Variants in C3orf20 observed in about 807,000 individuals in gnomAD.
The protein encoded by C3orf20 is uncharacterized protein C3orf20.
A neutral mutation model predicts 88.3 loss-of-function variants in C3orf20; 76 were observed. The ratio of observed to expected loss-of-function variants is 0.86; its 90% confidence interval spans 0.72 to 1.04. C3orf20 has a LOEUF of 1.04. C3orf20 is among the 50% of genes least tolerant of loss of function. C3orf20 has a pLI of 0.00. For missense variants in C3orf20, 1,056 were observed against 1,123.3 expected (o/e 0.94, Z 0.86); for synonymous variants, 436 against 437.4 (o/e 1.00, Z 0.04).
intron 12 of C3orf20, among the ~76,000 whole-genome samples, chr3:14,733,031 A>G (rs190388098): frequency 3.0e-4 from 45 of 152,292 alleles, no homozygotes; most frequent in African/African-American, 1.1e-3. Context: ...ATGGTGAATT[A>G]CTTTGATTTC....
intron 12 of C3orf20, among the ~76,000 whole-genome samples, chr3:14,740,486 A>G (rs1024892922): frequency 6.6e-6 from 1 of 152,226 alleles, no homozygotes; most frequent in African/African-American, 2.4e-5. Context: ...AAATTTTGAA[A>G]TATTGCAGGA....
Position 14,760,042 on chromosome 3 carries a change from C to T in C3orf20, c.2352+44C>T, listed in dbSNP as rs781483590. ...GCTATCCACTGCCTGCCACCCCAGCCGCAGCCACCTCTGCCCCTGCAGAAT... is the reference window on the plus strand; with the variant it reads ...GCTATCCACTGCCTGCCACCCCAGCTGCAGCCACCTCTGCCCCTGCAGAAT... On this transcript the variant is annotated intron_variant, in intron 14 of 16. Coordinates refer to ENST00000253697, the MANE Select transcript of C3orf20 (RefSeq NM_032137.5). 79 of 1,405,432 alleles carry T rather than the reference C, an allele frequency of 5.6e-5. No homozygotes were observed. The Middle Eastern group carries it at 8.9e-4, about 16-fold the overall frequency. The allele number at this position is 1,405,432 out of a possible 1,614,324, so 87.1% of individuals were successfully genotyped here.
intron 14 of C3orf20, among the ~76,000 whole-genome samples, 169 bp from the exon 15 acceptor site, chr3:14,761,303 CT>C (rs1157862516): frequency 5.3e-5 from 8 of 151,766 alleles, no homozygotes; most frequent in Non-Finnish European, 5.9e-5. Flanking sequence ...CCCTGGGCAA[CT>C]CAGGGAGGGC....
intron 13 of C3orf20, 34 bp from the exon 14 acceptor site, chr3:14,759,857 G>A (rs755702997): frequency 1.3e-6 from 2 of 1,552,866 alleles, no homozygotes; most frequent in Non-Finnish European, 1.8e-6. Flanking sequence ...TATTGGCATG[G>A]GGGTGACCAG....
chr3:14,722,844 C>A (rs1386747133), intron 10 of C3orf20, among the ~76,000 whole-genome samples: 1 of 152,198 alleles, frequency 6.6e-6, no homozygotes, highest in Non-Finnish European at 1.5e-5. Flanking sequence ...GTCAAGTCAA[C>A]ATCAGGGAGA....
chr3:14,707,316 A>T (rs6808307), intron 7 of C3orf20, among the ~76,000 whole-genome samples: 128,693 of 150,974 alleles, frequency 0.85, 54,975 homozygotes, highest in Non-Finnish European at 0.89. Context: ...ATAATTGATT[A>T]GCACTTGGCA....
Position 14,698,136 on chromosome 3 carries a change from T to A in C3orf20, c.746-4994T>A, listed in dbSNP as rs9817515. Among the ~76,000 whole-genome samples, 11 of 151,642 alleles carry A rather than the reference T, an allele frequency of 7.3e-5. No individual in the cohort carries two copies. In the East Asian group the frequency reaches 1.4e-3, roughly 19 times the overall value. ...GTAGATCCTTGAGGAATCTCCACAC[T>A]GTCTTCAATCTCTTCGTTAAATGAT... On this transcript the variant is annotated intron_variant, in intron 5 of 16. Coordinates refer to ENST00000253697, the MANE Select transcript of C3orf20 (RefSeq NM_032137.5).
At chr3:14,751,394 G>A (rs1474910550) in intron 12 of C3orf20, among the ~76,000 whole-genome samples, 1 of 152,194 alleles carries the variant, frequency 6.6e-6, no homozygotes. Context: ...AGCCCCCGGA[G>A]GGCAAGCTAA....
chr3:14,763,832 C>T (rs972427119), intron 15 of C3orf20, among the ~76,000 whole-genome samples: 4 of 152,102 alleles, frequency 2.6e-5, no homozygotes, highest in African/African-American at 9.7e-5. Context: ...GAGATTACTG[C>T]CTACCCTTGT....
chr3:14,680,967 G>A (rs533081527), intron 1 of C3orf20, among the ~76,000 whole-genome samples: 10 of 152,308 alleles, frequency 6.6e-5, no homozygotes, highest in African/African-American at 2.4e-4. Context: ...GATGCCAGGA[G>A]GTCAACAAAT....
chr3:14,703,455 G>A (rs892347400), intron 6 of C3orf20, among the ~76,000 whole-genome samples, 193 bp downstream of exon 6: 4 of 152,194 alleles, frequency 2.6e-5, no homozygotes, highest in Admixed American at 6.5e-5. Flanking sequence ...ACACACACCC[G>A]TGTCCTTCCC....
At chr3:14,757,068 G>C (rs2035395071) in intron 12 of C3orf20, among the ~76,000 whole-genome samples, 1 of 152,210 alleles carries the variant, frequency 6.6e-6, no homozygotes, top group Admixed American at 6.5e-5. Flanking sequence ...GAGAGGACAA[G>C]CTTGCTGACA....
intron 1 of C3orf20, among the ~76,000 whole-genome samples, chr3:14,681,200 C>T (rs1184074472): frequency 6.6e-6 from 1 of 152,230 alleles, no homozygotes; most frequent in African/African-American, 2.4e-5. Context: ...AAGATGATAG[C>T]CTTCTCACCA....
chr3:14,707,296 G>A (rs2033548881), intron 7 of C3orf20, among the ~76,000 whole-genome samples: 2 of 146,506 alleles, frequency 1.4e-5, no homozygotes, highest in Admixed American at 1.4e-4. Flanking sequence ...ATATCATAAA[G>A]CTGTAAGCTA....
intron 10 of C3orf20, among the ~76,000 whole-genome samples, chr3:14,726,618 C>T (rs1575129966): frequency 6.6e-6 from 1 of 152,226 alleles, no homozygotes; most frequent in East Asian, 1.9e-4. Flanking sequence ...AAAGTGCTAA[C>T]TTCCATCTTC....
At chr3:14,699,597 A>G (rs915920022) in intron 5 of C3orf20, among the ~76,000 whole-genome samples, 3 of 152,190 alleles carry the variant, frequency 2.0e-5, no homozygotes, top group South Asian at 2.1e-4. Context: ...CTTGTACCCT[A>G]TCCTACTGTG....
intron 1 of C3orf20, among the ~76,000 whole-genome samples, chr3:14,678,041 C>A (rs1337431802): frequency 6.6e-6 from 1 of 152,076 alleles, no homozygotes; most frequent in Non-Finnish European, 1.5e-5. Flanking sequence ...ACCCTCCCCA[C>A]CTCTACACTA....
At position 14,680,716 on chromosome 3, in the gene C3orf20, A is replaced by C. The variant is rs186254289; in HGVS notation, c.-298-1454A>C. On this transcript the variant is annotated intron_variant, in intron 1 of 16. Coordinates refer to ENST00000253697, the MANE Select transcript of C3orf20 (RefSeq NM_032137.5). ...CTTCAAAATTAACCTCAAAAAACAA[A>C]GGAACTGGTGGCAGGGGGGATAAGT... Among the ~76,000 whole-genome samples the C allele has an allele frequency of 2.6e-5, 4 of 152,354 alleles. No homozygotes were observed. In the East Asian group the frequency reaches 7.7e-4, roughly 29 times the overall value.
At chr3:14,721,628 C>G (rs1431279370) in intron 9 of C3orf20, 25 bp from the exon 10 acceptor site, 1 of 1,612,932 alleles carries the variant, frequency 6.2e-7, no homozygotes, top group Non-Finnish European at 8.5e-7. Context: ...CAGGGATTCT[C>G]TGAGTACTGT....
Sources: gnomAD v4.1 joint callset for allele counts (sites outside exome capture counted in the v4.1 genomes callset) on GRCh38, gnomAD v4.1.1 for gene constraint, MANE v1.5 for transcripts, NCBI Gene and HGNC (gene_info 2026-07-23, HGNC 2026-07-21) for gene names.